Variants in TESK2 observed in about 807,000 individuals in gnomAD.
TESK2 encodes the protein testis associated actin remodelling kinase 2, also known as dual specificity testis-specific protein kinase 2.
TESK2 carries 39 observed loss-of-function variants against 57.1 expected under a neutral mutation model. The ratio of observed to expected loss-of-function variants is 0.68; its 90% CI spans 0.53 to 0.89. TESK2 has a LOEUF of 0.89. Ranked by LOEUF, TESK2 falls within the 40% of genes least tolerant of loss-of-function variation. The probability of loss-of-function intolerance (pLI) is 0.00; values close to 1 mark genes in which losing one functional copy is unlikely to be tolerated. For synonymous variants in TESK2, 249 were observed against 267.9 expected, an observed-to-expected ratio of 0.93 and a Z score of 0.69; for missense variants, 646 against 732.1, an observed-to-expected ratio of 0.88 and a Z score of 1.36.
In TESK2 at chr1:45,394,374, A is replaced by G. The variant is rs76270652; in HGVS notation, c.345-8414T>C. The stretch of plus-strand genomic sequence containing the variant: ...GAGACAGGGTCTCACTGTGTTGCCT[A>G]GGCTGGTCTCAAGTTCCTGGCCTCA... On this transcript the variant is annotated intron_variant, in intron 3 of 10. Coordinates refer to ENST00000372086, the MANE Select transcript of TESK2 (RefSeq NM_007170.3). Among the ~76,000 whole-genome samples, 94 of 130,430 alleles carry G rather than the reference A, an allele frequency of 7.2e-4. No homozygotes were observed. The East Asian group carries it at 0.015, about 21-fold the overall frequency. The allele number at this position is 130,430 out of a possible 152,430, so 85.6% of individuals were successfully genotyped here. A position where few individuals can be genotyped will look rare whatever the true frequency, so the allele number is the denominator to read the frequency against.
chr1:45,380,163 G>A lies in TESK2; in HGVS notation c.393+5749C>T, dbSNP rs112353892. ...GATCCACCCGCCTCGGCCTCCCAAA[G>A]TGTTGGGATTACAGGCATGAGCCAC... On this transcript the variant is annotated intron_variant, in intron 4 of 10. Coordinates refer to ENST00000372086, the MANE Select transcript of TESK2 (RefSeq NM_007170.3). Among the ~76,000 whole-genome samples the A allele has an allele frequency of 6.2e-4, 95 of 152,328 alleles. No homozygotes were observed. The East Asian group carries it at 0.014, about 22-fold the overall frequency.
At chr1:45,430,228 A>T (rs1031514652) in intron 2 of TESK2, among the ~76,000 whole-genome samples, 1 of 152,100 alleles carries the variant, frequency 6.6e-6, no homozygotes, top group Admixed American at 6.6e-5. Context: ...GGTGGCTCAC[A>T]GCTGTAATCC....
intron 2 of TESK2, among the ~76,000 whole-genome samples, chr1:45,440,279 C>T (rs1308452056): frequency 1.3e-5 from 2 of 152,004 alleles, no homozygotes; most frequent in African/African-American, 4.8e-5. Context: ...GGTATCATTG[C>T]TCCAATAAAA....
Position 45,484,638 on chromosome 1 carries a change from T to C in TESK2, c.-87+6214A>G, listed in dbSNP as rs528455684. ...ACTCAGCTACTCAGGAGGCTGAGGC[T>C]GGAGAATCGCTTCAACCCGGAAGGC... On this transcript the variant is annotated intron_variant, in intron 1 of 10. Transcript: ENST00000372086. Among the ~76,000 whole-genome samples the C allele has an allele frequency of 1.8e-4, 27 of 151,478 alleles. No homozygotes were observed. The East Asian group carries it at 4.8e-3, about 27-fold the overall frequency.
At chr1:45,436,772 G>A (rs1651249936) in intron 2 of TESK2, among the ~76,000 whole-genome samples, 1 of 149,788 alleles carries the variant, frequency 6.7e-6, no homozygotes, top group South Asian at 2.1e-4. Flanking sequence ...ACAGGCATGA[G>A]CCACTGTGCC....
At chr1:45,445,732 C>T (rs1557576816) in intron 2 of TESK2, among the ~76,000 whole-genome samples, 1 of 151,766 alleles carries the variant, frequency 6.6e-6, no homozygotes, top group Non-Finnish European at 1.5e-5. Context: ...GAAGTCAAGG[C>T]CACACTAAGC....
chr1:45,455,393 T>C (rs933991066), intron 2 of TESK2, among the ~76,000 whole-genome samples: 1 of 152,158 alleles, frequency 6.6e-6, no homozygotes, highest in African/African-American at 2.4e-5. Flanking sequence ...CTTTAACAAA[T>C]AAACAATTGC....
chr1:45,440,388 A>C (rs1159703949), intron 2 of TESK2, among the ~76,000 whole-genome samples: 1 of 152,116 alleles, frequency 6.6e-6, no homozygotes, highest in Non-Finnish European at 1.5e-5. Flanking sequence ...CATTTCACAT[A>C]ATCATCAAAA....
chr1:45,357,924 A>C (rs1189343150), intron 4 of TESK2, among the ~76,000 whole-genome samples: 1 of 150,948 alleles, frequency 6.6e-6, no homozygotes, highest in Non-Finnish European at 1.5e-5. Context: ...GAATCGCTTG[A>C]ACACGGGAGA....
At chr1:45,413,990 A>G (rs1349089871) in intron 3 of TESK2, 2 of 339,056 alleles carry the variant, frequency 5.9e-6, no homozygotes, top group East Asian at 1.5e-4. Context: ...ACAACCAGAA[A>G]GCATTTAGAA....
chr1:45,456,655 G>C (rs959196739), intron 2 of TESK2, among the ~76,000 whole-genome samples: 3 of 152,030 alleles, frequency 2.0e-5, no homozygotes, highest in Admixed American at 1.3e-4. Context: ...GAAAAGAGAG[G>C]GGAGAATTTC....
rs985181207 is a variant in TESK2, at chr1:45,453,489, A to G, written c.222+4075T>C. 9.9e-5 allele frequency among the ~76,000 whole-genome samples: 15 copies of G among 152,270 alleles called. No individual in the cohort carries two copies. The East Asian group carries it at 2.9e-3, about 29-fold the overall frequency. On this transcript the variant is annotated intron_variant, in intron 2 of 10. Transcript: ENST00000372086. ...GGTGCTTGTAAAATTTGGTATCCTC[A>G]AGCAAAAGAATGAAATTGGACCCTT...
chr1:45,410,566 T>C (rs979260558), intron 3 of TESK2, among the ~76,000 whole-genome samples: 3 of 151,812 alleles, frequency 2.0e-5, no homozygotes, highest in Non-Finnish European at 4.4e-5. Context: ...GATTGCACCA[T>C]TGCACCCCAG....
intron 2 of TESK2, among the ~76,000 whole-genome samples, chr1:45,443,109 A>G (rs1651508097): frequency 1.4e-5 from 2 of 145,114 alleles, no homozygotes; most frequent in African/African-American, 2.5e-5. Context: ...GAAGCTAAAC[A>G]CACTTAAAAG....
At chr1:45,398,995 A>AC (rs746937809) in intron 3 of TESK2, 25 of 433,888 alleles carry the variant, frequency 5.8e-5, no homozygotes, top group South Asian at 1.3e-4. Flanking sequence ...AAAAAAAAAA[A>AC]AAAAAAAAAA....
intron 10 of TESK2, 118 bp downstream of exon 10, chr1:45,345,759 C>A: frequency 1.1e-6 from 1 of 940,290 alleles, no homozygotes; most frequent in South Asian, 1.5e-5. Flanking sequence ...TCATCTCCTT[C>A]CCCTCCCATT....
chr1:45,465,493 GAAGA>G (rs1382803656), intron 1 of TESK2, among the ~76,000 whole-genome samples: 1 of 150,966 alleles, frequency 6.6e-6, no homozygotes, highest in Admixed American at 6.6e-5. Context: ...AGGAAAGGAA[GAAGA>G]AAGAGAGAGA....
chr1:45,455,947 C>T (rs541665381), intron 2 of TESK2, among the ~76,000 whole-genome samples: 1 of 151,938 alleles, frequency 6.6e-6, no homozygotes. Context: ...AATCCCAACA[C>T]TTTGGGAGGC....
chr1:45,402,191 A>G (rs1245711644), intron 3 of TESK2, among the ~76,000 whole-genome samples: 1 of 151,658 alleles, frequency 6.6e-6, no homozygotes, highest in Non-Finnish European at 1.5e-5. Flanking sequence ...GGAGTTCAGG[A>G]CCAGTCTGGG....
Sources: allele counts gnomAD v4.1 joint callset (sites outside exome capture counted in the v4.1 genomes callset), GRCh38; gene constraint gnomAD v4.1.1; transcripts MANE v1.5; gene names NCBI Gene and HGNC (gene_info 2026-07-23, HGNC 2026-07-21).